The following SPAG9 variants were observed in gnomAD, a reference collection of about 807,000 sequenced individuals.
The protein encoded by SPAG9 is C-Jun-amino-terminal kinase-interacting protein 4.
A neutral mutation model predicts 166.5 loss-of-function variants in SPAG9; 35 were observed. The observed-to-expected ratio is 0.21, with a 90% CI of 0.16 to 0.28. The LOEUF is 0.28. Among genes scored for constraint, SPAG9 ranks in the 10% least tolerant of loss-of-function variants. The pLI is 1.00. For missense variants in SPAG9, 1,235 were observed against 1,603.3 expected (o/e 0.77, Z 3.92); for synonymous variants, 534 against 565.5 (o/e 0.94, Z 0.79).
rs572244623 is a variant in SPAG9, at chr17:50,977,360, A to T, written c.3410-139T>A. 4.7e-6 allele frequency: 3 copies of T among 636,980 alleles called. No homozygotes were observed. In the South Asian group the frequency reaches 5.3e-5, roughly 11 times the overall value. 39.5% of individuals were successfully genotyped at this position (636,980 alleles called of 1,614,324 possible). On this transcript the variant is annotated intron_variant, in intron 26 of 29. Transcript: ENST00000262013. ...TAGTAGCAGGATTGATACAACACAG[A>T]GGAAATGTGACTAGAGCTAGATGGA...
At chr17:51,110,342 C>T (rs7226059) in intron 1 of SPAG9, among the ~76,000 whole-genome samples, 47,852 of 148,684 alleles carry the variant, frequency 0.32, 7,777 homozygotes, top group Admixed American at 0.37. Context: ...TAATAAAAAG[C>T]TGGGAGGGGT....
intron 13 of SPAG9, among the ~76,000 whole-genome samples, chr17:51,000,702 A>G (rs1324947529): frequency 1.3e-5 from 2 of 152,064 alleles, no homozygotes; most frequent in Non-Finnish European, 2.9e-5. Flanking sequence ...TCTGCACTCC[A>G]GCCTGGGCAC....
chr17:50,981,546 AATAG>A (rs1002050756), intron 25 of SPAG9, among the ~76,000 whole-genome samples: 14 of 152,036 alleles, frequency 9.2e-5, no homozygotes, highest in South Asian at 2.1e-4. Context: ...AGAAAGAAAG[AATAG>A]ATAGATAGAT....
chr17:50,967,053 C>T (rs907298414), intron 29 of SPAG9, among the ~76,000 whole-genome samples: 6 of 152,210 alleles, frequency 3.9e-5, no homozygotes, highest in Admixed American at 1.3e-4. Flanking sequence ...TTCTGCATCA[C>T]GGCTAAGTGA....
chr17:50,990,364 C>T (rs1975438064), intron 20 of SPAG9, 86 bp downstream of exon 20: 1 of 1,029,650 alleles, frequency 9.7e-7, no homozygotes. Context: ...AACCTTGTTA[C>T]TTAAGATCTA....
At chr17:50,988,980 T>C (rs187633320) in intron 21 of SPAG9, among the ~76,000 whole-genome samples, 2 of 151,580 alleles carry the variant, frequency 1.3e-5, no homozygotes, top group African/African-American at 4.9e-5. Flanking sequence ...GGAGTGAAAA[T>C]TAGAGTAGGG....
intron 6 of SPAG9, among the ~76,000 whole-genome samples, 195 bp from the exon 7 acceptor site, chr17:51,021,560 C>T (rs1017077922): frequency 1.3e-5 from 2 of 151,944 alleles, no homozygotes; most frequent in African/African-American, 2.4e-5. Context: ...TTTAAGTAAA[C>T]TGTATTTTTT....
At chr17:51,076,073 T>G (rs1179985712) in intron 2 of SPAG9, among the ~76,000 whole-genome samples, 1 of 150,448 alleles carries the variant, frequency 6.6e-6, no homozygotes, top group African/African-American at 2.5e-5. Flanking sequence ...CCAGCCTGGG[T>G]GACAAAGCAA....
At chr17:51,115,236 G>T (rs1181237241) in intron 1 of SPAG9, among the ~76,000 whole-genome samples, 1 of 152,002 alleles carries the variant, frequency 6.6e-6, no homozygotes, top group African/African-American at 2.4e-5. Flanking sequence ...TGTTGTCAAG[G>T]CTGGAGTGCC....
In SPAG9 at chr17:51,063,183, C is replaced by T. The variant is rs1054274435; in HGVS notation, c.425-6701G>A. Reference sequence around the variant, plus strand: ...CAGTACTTTGGGAAGCCGAGGCAGGCGTATCACCTGAGGTCAGGAGTTCAA... The same window carrying T: ...CAGTACTTTGGGAAGCCGAGGCAGGTGTATCACCTGAGGTCAGGAGTTCAA... On this transcript the variant is annotated intron_variant, in intron 2 of 29. Coordinates refer to ENST00000262013, the MANE Select transcript of SPAG9 (RefSeq NM_001130528.3). Among the ~76,000 whole-genome samples the T allele has an allele frequency of 5.9e-5, 9 of 152,066 alleles. No homozygotes were observed. In the East Asian group the frequency reaches 9.7e-4, roughly 16 times the overall value.
chr17:51,016,026 C>G (rs534268790), intron 8 of SPAG9, among the ~76,000 whole-genome samples: 1 of 152,156 alleles, frequency 6.6e-6, no homozygotes, highest in African/African-American at 2.4e-5. Flanking sequence ...TAAAAGATTT[C>G]AGAAAGTATA....
chr17:51,037,685 A>ATATATATATAGTGTGTGT, intron 5 of SPAG9, among the ~76,000 whole-genome samples: 28 of 83,504 alleles, frequency 3.4e-4, no homozygotes, highest in Admixed American at 2.7e-3. Context: ...ATATATATAT[A>ATATATATATAGTGTGTGT]GTGTGTGTGT....
intron 2 of SPAG9, among the ~76,000 whole-genome samples, chr17:51,073,116 G>A (rs1455251073): frequency 1.3e-5 from 2 of 151,982 alleles, no homozygotes; most frequent in African/African-American, 2.4e-5. Context: ...ACCAGAGGTC[G>A]GGAGTTTGAG....
intron 1 of SPAG9, among the ~76,000 whole-genome samples, chr17:51,092,524 T>C (rs1343166072): frequency 1.3e-5 from 2 of 151,950 alleles, no homozygotes; most frequent in African/African-American, 2.4e-5. Flanking sequence ...TTATAAGTTT[T>C]AGATGTGTTA....
At chr17:50,987,345 T>C in intron 21 of SPAG9, 108 bp from the exon 22 acceptor site, 4 of 1,049,546 alleles carry the variant, frequency 3.8e-6, no homozygotes, top group Non-Finnish European at 5.3e-6. Context: ...GTTTATTATT[T>C]ATTTATTTTT....
intron 2 of SPAG9, among the ~76,000 whole-genome samples, chr17:51,076,982 T>TTATCTAGCTAGCTAGC (rs2047988405): frequency 3.0e-5 from 3 of 99,414 alleles, no homozygotes; most frequent in South Asian, 3.1e-4. Context: ...TCTATCTATC[T>TTATCTAGCTAGCTAGC]TATCTAGCTA....
intron 13 of SPAG9, among the ~76,000 whole-genome samples, chr17:51,000,505 G>C (rs1224399008): frequency 6.6e-6 from 1 of 152,056 alleles, no homozygotes; most frequent in Non-Finnish European, 1.5e-5. Context: ...AGGCCGAGGC[G>C]GGCGGATCAC....
At position 51,120,390 on chromosome 17, in the gene SPAG9, G is replaced by T; in HGVS notation, c.267C>A (p.Tyr89Ter). Reference protein sequence around the residue: ...RDDNEQLITQYEREKALRKHA... With the variant: ...RDDNEQLITQ ...GCTTGCGCAGCGCCTTCTCCCGCTCGTACTGGGTGATGAGCTGCTCGTTGT... is the reference window on the plus strand; with the variant it reads ...GCTTGCGCAGCGCCTTCTCCCGCTCTTACTGGGTGATGAGCTGCTCGTTGT... The change falls in exon 1 of 30, where the codon TAC becomes TAA. Residue 89 changes from tyrosine to a stop codon, truncating the protein, a stop_gained. Coordinates refer to ENST00000262013, the MANE Select transcript of SPAG9 (RefSeq NM_001130528.3). LOFTEE classifies it high-confidence loss of function. This position sits in a 1 kb window ranked among gnomAD's most constrained non-coding sequence, Gnocchi z 4.7. 6.2e-7 allele frequency: 1 copy of T among 1,608,592 alleles called. No individual in the cohort carries two copies.
At chr17:51,115,398 C>T (rs910468594) in intron 1 of SPAG9, among the ~76,000 whole-genome samples, 1 of 149,950 alleles carries the variant, frequency 6.7e-6, no homozygotes, top group Non-Finnish European at 1.5e-5. Flanking sequence ...CACTACGTTG[C>T]CCAGGCTTGA....
Sources: gnomAD v4.1 joint callset for allele counts (sites outside exome capture counted in the v4.1 genomes callset) on GRCh38, gnomAD v4.1.1 for gene constraint, Gnocchi (gnomAD v3.1) non-coding constraint, MANE v1.5 for transcripts, NCBI Gene and HGNC (gene_info 2026-07-23, HGNC 2026-07-21) for gene names.